ANKRD11: variants seen among roughly 807,000 people sequenced by gnomAD.
ANKRD11 encodes the protein ankyrin repeat domain-containing protein 11.
ANKRD11 carries 17 observed loss-of-function variants against 195.7 expected under a neutral mutation model. The observed-to-expected ratio is 0.09, with a 90% CI of 0.06 to 0.13. The LOEUF (loss-of-function observed/expected upper bound fraction) is 0.13. Ranked by LOEUF, ANKRD11 falls within the 10% of genes least tolerant of loss-of-function variation. The pLI is 1.00. For synonymous variants in ANKRD11, 1,953 were observed against 1,528.1 expected (o/e 1.28, Z -6.49); for missense variants, 3,735 against 3,566.1 (o/e 1.05, Z -1.21).
intron 2 of ANKRD11, among the ~76,000 whole-genome samples, chr16:89,396,369 G>A (rs935959062): frequency 8.5e-5 from 13 of 152,124 alleles, no homozygotes; most frequent in African/African-American, 1.9e-4. Context: ...CACACGCGAC[G>A]GAGCCGCACT....
At chr16:89,301,017 C>T (rs909448704) in intron 4 of ANKRD11, 11 of 614,268 alleles carry the variant, frequency 1.8e-5, no homozygotes, top group East Asian at 5.9e-5. Flanking sequence ...GGAGAAACAG[C>T]GGGGCAGGAG....
At chr16:89,428,347 A>AAC (rs1279320441) in intron 1 of ANKRD11, among the ~76,000 whole-genome samples, 1 of 151,876 alleles carries the variant, frequency 6.6e-6, no homozygotes. Context: ...AACACGGTGA[A>AAC]ACCCCGTCTC....
chr16:89,351,410 C>T (rs2039212996), intron 2 of ANKRD11, among the ~76,000 whole-genome samples: 1 of 152,190 alleles, frequency 6.6e-6, no homozygotes, highest in Admixed American at 6.5e-5. Context: ...CTGACTTCAC[C>T]ACACACCCTC....
At position 89,284,374 on chromosome 16, in the gene ANKRD11, T is replaced by C. The variant is rs1349938982; in HGVS notation, c.2168A>G (p.Asp723Gly). The change falls in exon 9 of 13, where the codon GAC (aspartate) becomes GGC (glycine). Residue 723 changes from aspartate (D) to glycine (G), a missense_variant. Transcript: ENST00000301030. ...AGACCTGCTGATGTCTTTGTTTGTG[T>C]CTTTGATTCTCTTCAGTGATTTTTC... is the stretch of plus-strand genomic sequence containing the variant. ...KDEKSLKRIKDTNKDISRSFR... is the reference protein window; with the variant it reads ...KDEKSLKRIKGTNKDISRSFR... 1 of 1,613,892 alleles carries C rather than the reference T, an allele frequency of 6.2e-7. No homozygotes were observed.
chr16:89,431,414 C>T (rs1381954403), intron 1 of ANKRD11: 2 of 153,032 alleles, frequency 1.3e-5, no homozygotes, highest in African/African-American at 4.8e-5. Context: ...GGCACACCCA[C>T]TCTGTGCTCT....
chr16:89,280,402 G>C lies in ANKRD11; in HGVS notation c.6140C>G (p.Ala2047Gly), dbSNP rs199691161. The C allele has an allele frequency of 1.0e-4, 161 of 1,560,672 alleles. 1 individual carries two copies. The African/African-American group carries it at 2.0e-3, about 19-fold the overall frequency. ...GGGAGCCGCCTCTGAGGTGGAGATGGCGGCGGGGACGGCGTCCACTCCGTC... is the reference window on the plus strand; with the variant it reads ...GGGAGCCGCCTCTGAGGTGGAGATGCCGGCGGGGACGGCGTCCACTCCGTC... ...VKDGVDAVPA[A>G]ISTSEAAPYA... The change falls in exon 9 of 13, where the codon GCC becomes GGC. Residue 2047 changes from alanine (A) to glycine (G), a missense_variant. Physicochemically the swap from Ala to Gly is moderately conservative, Grantham distance 60 (BLOSUM62 0). Transcript: ENST00000301030.
At chr16:89,369,378 G>T (rs1294360261) in intron 2 of ANKRD11, among the ~76,000 whole-genome samples, 1 of 152,204 alleles carries the variant, frequency 6.6e-6, no homozygotes, top group East Asian at 1.9e-4. Context: ...TGCATGACCC[G>T]CATGACCCTG....
At chr16:89,474,360 T>C (rs1006421283) in intron 1 of ANKRD11, among the ~76,000 whole-genome samples, 4 of 151,652 alleles carry the variant, frequency 2.6e-5, no homozygotes, top group Admixed American at 6.6e-5. Context: ...CTCATGCCTG[T>C]AATCCCAGCA....
chr16:89,370,505 A>G (rs2152078136), intron 2 of ANKRD11, among the ~76,000 whole-genome samples: 1 of 152,270 alleles, frequency 6.6e-6, no homozygotes, highest in East Asian at 1.9e-4. Flanking sequence ...CCCCCAACCA[A>G]GCAAAGAGAA....
At chr16:89,320,530 C>CCAGGCCACGCATTCCTTGTTACTT (rs1384452761) in intron 2 of ANKRD11, among the ~76,000 whole-genome samples, 1 of 152,216 alleles carries the variant, frequency 6.6e-6, no homozygotes, top group Admixed American at 6.5e-5. Context: ...CTGACCGCCC[C>CCAGGCCACGCATTCCTTGTTACTT]CAGGCCACGC....
Position 89,290,800 on chromosome 16 carries a change from C to G in ANKRD11, c.426G>C (p.Gln142His), listed in dbSNP as rs2035011394. 1 of 1,613,832 alleles carries G rather than the reference C, an allele frequency of 6.2e-7. No homozygotes were observed. Among genetic ancestry groups the G allele is most frequent in the African/African-American group, 1.3e-5 (1 of 74,910 alleles). The change falls in exon 6 of 13, where the codon CAG becomes CAC. Residue 142 changes from glutamine to histidine, a missense_variant. Coordinates refer to ENST00000301030, the MANE Select transcript of ANKRD11 (RefSeq NM_013275.6). ...PVDTTPKHPS[Q>H]STVCQKGTPN... The stretch of plus-strand genomic sequence containing the variant: ...GCGTTCCCTTCTGACACACTGTAGA[C>G]TGGGAGGGGTGCTTTGGTGTTGTGT...
chr16:89,478,243 A>G (rs1233313492), intron 1 of ANKRD11, among the ~76,000 whole-genome samples: 1 of 152,178 alleles, frequency 6.6e-6, no homozygotes, highest in Non-Finnish European at 1.5e-5. Context: ...AGTGCCTTCA[A>G]GAACCCCATT....
intron 2 of ANKRD11, among the ~76,000 whole-genome samples, chr16:89,366,010 C>T (rs549393218): frequency 6.6e-6 from 1 of 151,962 alleles, no homozygotes; most frequent in Non-Finnish European, 1.5e-5. Flanking sequence ...GGCCTCCAGG[C>T]TCTATCCATG....
At chr16:89,413,374 C>G (rs1193157468) in intron 2 of ANKRD11, among the ~76,000 whole-genome samples, 2 of 152,048 alleles carry the variant, frequency 1.3e-5, no homozygotes, top group Non-Finnish European at 2.9e-5. Flanking sequence ...GCCTGTAATC[C>G]CAGCACTTTG....
chr16:89,373,103 G>A (rs560791509), intron 2 of ANKRD11: 5 of 152,316 alleles, frequency 3.3e-5, no homozygotes, highest in East Asian at 1.9e-4. Context: ...GCATATCACC[G>A]GGGTTCAAAT....
At chr16:89,437,158 C>T (rs946207431) in intron 1 of ANKRD11, among the ~76,000 whole-genome samples, 1 of 152,214 alleles carries the variant, frequency 6.6e-6, no homozygotes, top group Non-Finnish European at 1.5e-5. Flanking sequence ...AGATCCATCA[C>T]TGAAAGCGCA....
intron 1 of ANKRD11, among the ~76,000 whole-genome samples, chr16:89,488,492 G>A (rs566839161): frequency 1.3e-5 from 2 of 150,840 alleles, no homozygotes; most frequent in African/African-American, 2.4e-5. Flanking sequence ...AAAATCAGAG[G>A]ACTTCTGTAA....
At chr16:89,292,674 C>T (rs750103140) in intron 4 of ANKRD11, among the ~76,000 whole-genome samples, 3 of 152,230 alleles carry the variant, frequency 2.0e-5, no homozygotes, top group Non-Finnish European at 2.9e-5. Context: ...GTAAACAGTC[C>T]TCAACGCACA....
At position 89,284,583 on chromosome 16, in the gene ANKRD11, C is replaced by A. The variant is rs1193880813; in HGVS notation, c.1959G>T (p.Lys653Asn). The A allele has an allele frequency of 6.2e-7, 1 of 1,614,182 alleles. No individual in the cohort carries two copies. Among genetic ancestry groups the A allele is most frequent in the South Asian group, 1.1e-5 (1 of 91,084 alleles). ...KGQCSISQEL[K>N]LKSFTYEYED... ...CATATTCGTAAGTAAAACTTTTCAACTTCAGCTCTTGGCTGATGGAACACT... is the reference window on the plus strand; with the variant it reads ...CATATTCGTAAGTAAAACTTTTCAAATTCAGCTCTTGGCTGATGGAACACT... Residue 653 changes from lysine (K) to asparagine (N), a missense_variant, in exon 9 of 13, where the codon AAG becomes AAT. Lys to Asn is a moderately conservative substitution (Grantham distance 94). Transcript: ENST00000301030.
Sources: allele counts gnomAD v4.1 joint callset (sites outside exome capture counted in the v4.1 genomes callset), GRCh38; gene constraint gnomAD v4.1.1; transcripts MANE v1.5; gene names NCBI Gene and HGNC (gene_info 2026-07-23, HGNC 2026-07-21).